The following GDAP1 variants were observed in gnomAD, a reference collection of about 807,000 sequenced individuals.
The protein encoded by GDAP1 is ganglioside-induced differentiation-associated protein 1.
In GDAP1, 34 loss-of-function variants were observed where a neutral mutation model predicts 40.1. The observed-to-expected ratio is 0.85, with a 90% confidence interval of 0.64 to 1.13. GDAP1 has a LOEUF of 1.13. GDAP1 is among the 50% of genes most tolerant of loss of function. GDAP1 has a pLI of 0.00. For synonymous variants in GDAP1, 170 were observed against 157.4 expected (o/e 1.08, Z -0.60); for missense variants, 374 against 433.7 (o/e 0.86, Z 1.22).
intron 2 of GDAP1, among the ~76,000 whole-genome samples, chr8:74,405,999 CA>C (rs1805634318): frequency 6.7e-6 from 1 of 149,830 alleles, no homozygotes; most frequent in Non-Finnish European, 1.5e-5. Flanking sequence ...TCCAAGGAGT[CA>C]AAAATATATT....
chr8:74,374,883 C>T (rs920276226), intron 2 of GDAP1, among the ~76,000 whole-genome samples: 1 of 152,036 alleles, frequency 6.6e-6, no homozygotes, highest in African/African-American at 2.4e-5. Context: ...GATTCAAGGC[C>T]TAAATGGTTT....
intron 2 of GDAP1, among the ~76,000 whole-genome samples, chr8:74,424,561 A>T (rs998805004): frequency 3.3e-5 from 5 of 152,310 alleles, no homozygotes; most frequent in African/African-American, 1.2e-4. Context: ...GTGATTATTC[A>T]CACTGCCCCT....
At chr8:74,356,659 AGTGT>A (rs144717682) in intron 2 of GDAP1, among the ~76,000 whole-genome samples, 65,355 of 122,522 alleles carry the variant, frequency 0.53, 17,877 homozygotes, top group South Asian at 0.69. Context: ...AATATTATTT[AGTGT>A]GTGTGTGTGT....
intron 2 of GDAP1, among the ~76,000 whole-genome samples, chr8:74,401,466 C>G (rs1810337289): frequency 6.7e-6 from 1 of 149,646 alleles, no homozygotes. Context: ...CTATTTTTTT[C>G]AAAGTTTTTA....
At chr8:74,419,099 T>C (rs1377488147) in intron 2 of GDAP1, among the ~76,000 whole-genome samples, 2 of 152,178 alleles carry the variant, frequency 1.3e-5, no homozygotes, top group African/African-American at 2.4e-5. Flanking sequence ...GATGGTGTAG[T>C]CACTCTGAAA....
chr8:74,464,425 A>AGCAAC (rs1291211387), intron 2 of GDAP1, among the ~76,000 whole-genome samples: 1 of 152,210 alleles, frequency 6.6e-6, no homozygotes, highest in African/African-American at 2.4e-5. Context: ...GTAAGACCCT[A>AGCAAC]AGCAACAGCA....
chr8:74,415,777 C>G (rs903275058), intron 2 of GDAP1, among the ~76,000 whole-genome samples: 7 of 149,964 alleles, frequency 4.7e-5, no homozygotes, highest in African/African-American at 1.8e-4. Context: ...GTGGACCTCA[C>G]AGAAGTCTGC....
At chr8:74,459,499 G>A (rs1398974197) in intron 2 of GDAP1, among the ~76,000 whole-genome samples, 6 of 152,138 alleles carry the variant, frequency 3.9e-5, no homozygotes, top group African/African-American at 1.4e-4. Context: ...GGCACTCCAG[G>A]TGATTCTGAG....
At chr8:74,387,031 A>G (rs1810035862) in intron 2 of GDAP1, among the ~76,000 whole-genome samples, 1 of 152,174 alleles carries the variant, frequency 6.6e-6, no homozygotes, top group Non-Finnish European at 1.5e-5. Context: ...CATTGATTTT[A>G]TATCCTGAGA....
At position 74,364,589 on chromosome 8, in the gene GDAP1, A is replaced by G. The variant is rs542835607; in HGVS notation, c.*222A>G. ...CAGGCAGAAATAGGAAGGCAAAGAG[A>G]TAAGAGAAGGAAAAATGAGAGAATG... On this transcript the variant is annotated 3_prime_UTR_variant, in exon 6 of 6. Coordinates refer to ENST00000220822, the MANE Select transcript of GDAP1 (RefSeq NM_018972.4). 7 of 669,030 alleles carry G rather than the reference A, an allele frequency of 1.0e-5. No homozygotes were observed. The highest frequency in any genetic ancestry group is 3.0e-5 in the South Asian group (2 of 66,478). 41.4% of individuals were successfully genotyped at this position (669,030 alleles called of 1,614,324 possible).
chr8:74,430,334 C>T (rs1806009597), intron 2 of GDAP1, among the ~76,000 whole-genome samples: 1 of 152,172 alleles, frequency 6.6e-6, no homozygotes, highest in African/African-American at 2.4e-5. Context: ...GGTGTGTGGA[C>T]ATGGCTTTCA....
chr8:74,421,656 C>A (rs560184198), intron 2 of GDAP1, among the ~76,000 whole-genome samples: 1 of 152,098 alleles, frequency 6.6e-6, no homozygotes, highest in East Asian at 1.9e-4. Context: ...TAAGAGGGCG[C>A]TGTGTGAAAT....
At position 74,395,056 on chromosome 8, in the gene GDAP1, C is replaced by A. The variant is rs988379649; in HGVS notation, c.165+43735C>A. ...CCTGTAAACTTCTCATGGGCATTTT[C>A]TATATTTTATTCACTTGAATCCACA... is the stretch of plus-strand genomic sequence containing the variant. On this transcript the variant is annotated intron_variant, in intron 2 of 2. Transcript: ENST00000523640. 5.9e-5 allele frequency among the ~76,000 whole-genome samples: 9 copies of A among 152,274 alleles called. No homozygotes were observed. The South Asian group carries it at 1.9e-3, about 32-fold the overall frequency.
intron 2 of GDAP1, among the ~76,000 whole-genome samples, chr8:74,412,357 A>G (rs1163840757): frequency 2.0e-5 from 3 of 150,270 alleles, no homozygotes; most frequent in Non-Finnish European, 4.4e-5. Flanking sequence ...AGTTCCAGAA[A>G]GAGCAAAGAG....
intron 2 of GDAP1, among the ~76,000 whole-genome samples, chr8:74,427,592 A>G (rs1241183190): frequency 4.6e-5 from 7 of 152,220 alleles, no homozygotes; most frequent in Non-Finnish European, 1.0e-4. Context: ...AGCCCAATTT[A>G]TCAATGATTT....
intron 2 of GDAP1, among the ~76,000 whole-genome samples, chr8:74,434,354 T>C (rs1180939844): frequency 6.6e-6 from 1 of 152,244 alleles, no homozygotes; most frequent in Non-Finnish European, 1.5e-5. Flanking sequence ...TCTTCCTGCA[T>C]TTGTCAATAC....
At chr8:74,443,405 T>TA (rs947757383) in intron 2 of GDAP1, among the ~76,000 whole-genome samples, 1 of 152,060 alleles carries the variant, frequency 6.6e-6, no homozygotes, top group Non-Finnish European at 1.5e-5. Flanking sequence ...GATAGGCAGT[T>TA]AAAAAAAACT....
At chr8:74,404,038 G>A (rs575497235) in intron 2 of GDAP1, among the ~76,000 whole-genome samples, 1 of 149,946 alleles carries the variant, frequency 6.7e-6, no homozygotes, top group Non-Finnish European at 1.5e-5. Flanking sequence ...AAATCTCTAT[G>A]ATAATAAAAA....
chr8:74,459,460 T>G (rs1806374026), intron 2 of GDAP1, among the ~76,000 whole-genome samples: 1 of 152,166 alleles, frequency 6.6e-6, no homozygotes, highest in Non-Finnish European at 1.5e-5. Flanking sequence ...ATAGATCTAG[T>G]GTTTTGTCTG....
Sources: allele counts gnomAD v4.1 joint callset (sites outside exome capture counted in the v4.1 genomes callset), GRCh38; gene constraint gnomAD v4.1.1; transcripts MANE v1.5; gene names NCBI Gene and HGNC (gene_info 2026-07-23, HGNC 2026-07-21).